The following HMCN1 variants were observed in gnomAD, a reference collection of about 807,000 sequenced individuals.
The protein encoded by HMCN1 is hemicentin 1, also known as hemicentin-1.
A neutral mutation model predicts 625.9 loss-of-function variants in HMCN1; 321 were observed. The observed-to-expected ratio is 0.51, with a 90% CI of 0.47 to 0.56. The LOEUF (loss-of-function observed/expected upper bound fraction) is 0.56. Among genes scored for constraint, HMCN1 ranks in the 20% least tolerant of loss-of-function variants. The pLI is 0.00. For missense variants in HMCN1, 6,588 were observed against 6,887.3 expected (o/e 0.96, Z 1.54); for synonymous variants, 2,425 against 2,417.6 (o/e 1.00, Z -0.09).
At chr1:185,821,382 C>T (rs1019083744) in intron 1 of HMCN1, among the ~76,000 whole-genome samples, 7 of 151,904 alleles carry the variant, frequency 4.6e-5, no homozygotes, top group African/African-American at 1.2e-4. Flanking sequence ...AATGAATTGT[C>T]TTATTGGTAG....
At chr1:186,047,559 T>G (rs1053536975) in intron 41 of HMCN1, among the ~76,000 whole-genome samples, 3 of 152,138 alleles carry the variant, frequency 2.0e-5, no homozygotes, top group Admixed American at 6.6e-5. Context: ...TCTTACCATT[T>G]TGTTTTGCCT....
chr1:185,855,765 G>A (rs1662428015), intron 2 of HMCN1, among the ~76,000 whole-genome samples: 1 of 152,172 alleles, frequency 6.6e-6, no homozygotes, highest in Admixed American at 6.5e-5. Context: ...TAATCTGAAA[G>A]CATGGACATT....
chr1:186,150,092 T>C (rs1650574332), intron 93 of HMCN1, among the ~76,000 whole-genome samples: 1 of 151,950 alleles, frequency 6.6e-6, no homozygotes, highest in South Asian at 2.1e-4. Flanking sequence ...ATGGTACCGG[T>C]AGACTTTCTC....
chr1:185,735,844 A>G (rs748929583), intron 1 of HMCN1, among the ~76,000 whole-genome samples: 17 of 152,196 alleles, frequency 1.1e-4, no homozygotes, highest in Non-Finnish European at 2.1e-4. Flanking sequence ...CCCCATTGCC[A>G]TAGCTGAGGG....
At position 186,178,645 on chromosome 1, in the gene HMCN1, C is replaced by G; in HGVS notation, c.16173C>G (p.Tyr5391Ter). 1 of 1,613,998 alleles carries G rather than the reference C, an allele frequency of 6.2e-7. No homozygotes were observed. Among genetic ancestry groups the G allele is most frequent in the Non-Finnish European group, 8.5e-7 (1 of 1,179,838 alleles). ...NYQPQQHYRQ[Y>*]SHLYSSYSEY... ...AACCTCAACAGCATTACAGACAGTA[C>G]TCACATCTCTACAGCTCCTACTCAG... Residue 5391 changes from tyrosine (Y) to a stop codon, truncating the protein, a stop_gained, in exon 104 of 107, where the codon TAC (tyrosine) becomes TAG (stop). Coordinates refer to ENST00000271588, the MANE Select transcript of HMCN1 (RefSeq NM_031935.3). LOFTEE classifies it high-confidence loss of function.
intron 3 of HMCN1, 79 bp downstream of exon 3, chr1:185,864,707 G>A: frequency 7.9e-7 from 1 of 1,267,470 alleles, no homozygotes; most frequent in Non-Finnish European, 1.1e-6. Flanking sequence ...ACTCTTCCAT[G>A]TGTGGTCAAT....
intron 87 of HMCN1, 113 bp from the exon 88 acceptor site, chr1:186,137,385 A>G (rs1474898974): frequency 8.1e-6 from 10 of 1,227,326 alleles, no homozygotes; most frequent in African/African-American, 1.5e-5. Context: ...TCCATACGCT[A>G]TTTCTCAGCA....
chr1:186,124,174 C>T (rs1009627180), intron 81 of HMCN1, among the ~76,000 whole-genome samples: 1 of 151,946 alleles, frequency 6.6e-6, no homozygotes, highest in Admixed American at 6.6e-5. Context: ...TAATAAGTTT[C>T]AAAAAGATAG....
chr1:186,163,167 TG>T (rs1651631563), intron 97 of HMCN1, among the ~76,000 whole-genome samples: 7 of 152,178 alleles, frequency 4.6e-5, no homozygotes, highest in Non-Finnish European at 1.5e-5. Flanking sequence ...CAGACTGCTG[TG>T]CTAGCAATCA....
rs148732069 is a variant in HMCN1, at chr1:185,982,274, T to C, written c.2675T>C (p.Ile892Thr). ...VTVTGLVAPL[I>T]GISPSVANVI... The stretch of plus-strand genomic sequence containing the variant: ...TCTCTTGATTTAGTTGCTCCACTTA[T>C]TGGAATCAGCCCTTCAGTGGCCAAT... Residue 892 changes from isoleucine (I) to threonine (T), a missense_variant, in exon 18 of 107, where the codon ATT (isoleucine) becomes ACT (threonine). By Grantham distance (89) the Ile-to-Thr change is moderately conservative (BLOSUM62 -1). Around this residue, in one of 3 missense-constraint regions of HMCN1, gnomAD observed 4,628 missense variants for 4,853.1 expected, o/e 0.95. Transcript: ENST00000271588. The C allele has an allele frequency of 5.0e-6, 8 of 1,613,918 alleles. No homozygotes were observed. The highest frequency in any genetic ancestry group is 1.6e-4 in the Middle Eastern group (1 of 6,062).
chr1:186,154,829 C>CAT (rs1255354350), intron 97 of HMCN1, among the ~76,000 whole-genome samples: 1 of 152,014 alleles, frequency 6.6e-6, no homozygotes, highest in Non-Finnish European at 1.5e-5. Flanking sequence ...CTAAGTAGTC[C>CAT]ATCTATGCTA....
intron 1 of HMCN1, among the ~76,000 whole-genome samples, chr1:185,757,334 G>A (rs1006331242): frequency 2.0e-5 from 3 of 152,140 alleles, no homozygotes; most frequent in East Asian, 1.9e-4. Context: ...GATCTGGCCC[G>A]ATCGCCTCTC....
chr1:185,827,716 T>C (rs1182977993), intron 1 of HMCN1, among the ~76,000 whole-genome samples: 1 of 151,944 alleles, frequency 6.6e-6, no homozygotes, highest in Non-Finnish European at 1.5e-5. Context: ...AGATATAAAT[T>C]AAGATAATTT....
chr1:185,904,038 G>A (rs562937885), intron 4 of HMCN1, among the ~76,000 whole-genome samples: 1 of 151,786 alleles, frequency 6.6e-6, no homozygotes, highest in Non-Finnish European at 1.5e-5. Context: ...CTTTGTCTAA[G>A]TTCTTGTGGA....
rs533135426 is a variant in HMCN1, at chr1:185,789,349, C to T, written c.268+54302C>T. ...TCACTAGGAATCACAGAGACCCTGG[C>T]GCAAGTAGGTTCAGGGAGGTTTAAC... On this transcript the variant is annotated intron_variant, in intron 1 of 106. Transcript: ENST00000271588. Among the ~76,000 whole-genome samples, 47 of 152,206 alleles carry T rather than the reference C, an allele frequency of 3.1e-4. No homozygotes were observed. In the South Asian group the frequency reaches 4.8e-3, roughly 15 times the overall value.
chr1:186,139,422 CTTGA>C (rs1462742719), intron 89 of HMCN1, among the ~76,000 whole-genome samples: 2 of 152,096 alleles, frequency 1.3e-5, no homozygotes, highest in African/African-American at 4.8e-5. Flanking sequence ...GCAGGAAATA[CTTGA>C]TTGAGCAATT....
chr1:186,127,986 G>A lies in HMCN1; in HGVS notation c.12691-92G>A. On this transcript the variant is annotated intron_variant, in intron 82 of 106. Coordinates refer to ENST00000271588, the MANE Select transcript of HMCN1 (RefSeq NM_031935.3). ...ATTTAAATTGTCTTTGGATAAGAGA[G>A]TTTCTTGAGGGCCTAGCTATGCAAT... is the stretch of plus-strand genomic sequence containing the variant. 6 of 1,077,278 alleles carry A rather than the reference G, an allele frequency of 5.6e-6. No individual in the cohort carries two copies. In the South Asian group the frequency reaches 7.9e-5, roughly 14 times the overall value. 66.7% of individuals were successfully genotyped at this position (1,077,278 alleles called of 1,614,324 possible).
chr1:186,018,102 T>C (rs185115000), intron 33 of HMCN1, 81 bp from the exon 34 acceptor site: 223 of 1,248,836 alleles, frequency 1.8e-4, no homozygotes, highest in Middle Eastern at 1.5e-3. Flanking sequence ...TGGACAAATA[T>C]ACAATAGAAA....
Position 186,015,339 on chromosome 1 carries a change from A to C in HMCN1, c.4811A>C (p.His1604Pro). The change falls in exon 31 of 107, where the codon CAT (histidine) becomes CCT (proline). Residue 1604 changes from histidine to proline, a missense_variant. Physicochemically the swap from His to Pro is moderately conservative, Grantham distance 77 (BLOSUM62 -2). Coordinates refer to ENST00000271588, the MANE Select transcript of HMCN1 (RefSeq NM_031935.3). ...ALYIDKGQYL[H>P]IPRAQVSDSA... ...TATATTGATAAAGGACAATATCTTC[A>C]TATTCCTCGAGCACAGGTCTCTGAT... 1 of 1,613,754 alleles carries C rather than the reference A, an allele frequency of 6.2e-7. No homozygotes were observed. The highest frequency in any genetic ancestry group is 1.1e-5 in the South Asian group (1 of 91,080).
Sources: allele counts gnomAD v4.1 joint callset (sites outside exome capture counted in the v4.1 genomes callset), GRCh38; gene constraint gnomAD v4.1.1; regional missense constraint gnomAD v4.1.1; transcripts MANE v1.5; gene names NCBI Gene and HGNC (gene_info 2026-07-23, HGNC 2026-07-21).